Variants in NBEA observed in about 807,000 individuals in gnomAD.
The protein encoded by NBEA is neurobeachin, also known as lysosomal-trafficking regulator 2.
NBEA carries 44 observed loss-of-function variants against 343.4 expected under a neutral mutation model. The observed-to-expected ratio is 0.13, with a 90% CI of 0.10 to 0.16. The LOEUF (loss-of-function observed/expected upper bound fraction) is 0.16. Ranked by LOEUF, NBEA falls within the 10% of genes least tolerant of loss-of-function variation. NBEA has a pLI of 1.00. For synonymous variants in NBEA, 1,175 were observed against 1,238.7 expected (o/e 0.95, Z 1.08); for missense variants, 2,555 against 3,631.3 (o/e 0.70, Z 7.62).
chr13:35,415,767 G>GA (rs1296819827), intron 38 of NBEA, among the ~76,000 whole-genome samples: 5 of 152,068 alleles, frequency 3.3e-5, no homozygotes, highest in South Asian at 2.1e-4. Flanking sequence ...CCAATTCTGT[G>GA]AAAAAAGTCA....
At chr13:35,239,980 A>G (rs911364287) in intron 34 of NBEA, among the ~76,000 whole-genome samples, 2 of 151,280 alleles carry the variant, frequency 1.3e-5, no homozygotes, top group African/African-American at 2.4e-5. Context: ...TTGTCCCAAG[A>G]TGGAGCAGTT....
chr13:35,178,779 A>G (rs1340163552), intron 28 of NBEA, among the ~76,000 whole-genome samples: 6 of 151,576 alleles, frequency 4.0e-5, no homozygotes, highest in Admixed American at 4.0e-4. Context: ...CCACAATGTA[A>G]GAACTCACTG....
At chr13:35,301,721 G>T (rs1339138124) in intron 35 of NBEA, among the ~76,000 whole-genome samples, 9 of 152,056 alleles carry the variant, frequency 5.9e-5, no homozygotes, top group Admixed American at 5.9e-4. Flanking sequence ...GGATTACTGG[G>T]TCAAATGGTA....
At position 35,660,763 on chromosome 13, in the gene NBEA, T is replaced by C. The variant is rs144696402; in HGVS notation, c.8363-4322T>C. 5.6e-3 allele frequency among the ~76,000 whole-genome samples: 850 copies of C among 152,316 alleles called. 11 individuals carry two copies. Among genetic ancestry groups the C allele is most frequent in the African/African-American group, 0.019 (800 of 41,566 alleles). The stretch of plus-strand genomic sequence containing the variant: ...TTATAAGAAATGAAAGCATGGCCGA[T>C]GGATAGCCCAGAGAGATTTGTAGAG... On this transcript the variant is annotated intron_variant, in intron 55 of 58. Coordinates refer to ENST00000379939, the MANE Select transcript of NBEA (RefSeq NM_001385012.1).
chr13:35,577,593 T>C (rs2080804942), intron 45 of NBEA, among the ~76,000 whole-genome samples: 2 of 152,096 alleles, frequency 1.3e-5, no homozygotes, highest in African/African-American at 2.4e-5. Context: ...CACTTTGTTA[T>C]GTCTTTCGAT....
intron 38 of NBEA, among the ~76,000 whole-genome samples, chr13:35,419,348 G>A (rs1212863040): frequency 1.3e-5 from 2 of 151,984 alleles, no homozygotes; most frequent in Non-Finnish European, 2.9e-5. Flanking sequence ...TGGAAGTGAC[G>A]AACAGGCTCC....
At chr13:35,160,053 T>G in intron 22 of NBEA, 21 bp downstream of exon 22, 1 of 1,506,170 alleles carries the variant, frequency 6.6e-7, no homozygotes, top group Non-Finnish European at 8.8e-7. Flanking sequence ...TTATATGAGT[T>G]CTAGAAATAA....
intron 44 of NBEA, among the ~76,000 whole-genome samples, chr13:35,564,021 C>T (rs938364126): frequency 2.0e-5 from 3 of 151,776 alleles, no homozygotes; most frequent in Non-Finnish European, 4.4e-5. Flanking sequence ...GTTTTTGGAT[C>T]CTTACCTTCC....
intron 34 of NBEA, among the ~76,000 whole-genome samples, chr13:35,243,511 T>A (rs1033963786): frequency 6.6e-6 from 1 of 151,822 alleles, no homozygotes; most frequent in Non-Finnish European, 1.5e-5. Flanking sequence ...TGTGCTGTCT[T>A]TAAGAGACAC....
intron 41 of NBEA, chr13:35,475,720 A>G (rs1248308987): frequency 1.2e-6 from 2 of 1,613,514 alleles, no homozygotes; most frequent in South Asian, 1.1e-5. Context: ...ACATTTGTCT[A>G]CCGCTTGAGC....
intron 49 of NBEA, among the ~76,000 whole-genome samples, chr13:35,632,670 AC>A (rs1313952872): frequency 1.3e-5 from 2 of 151,894 alleles, no homozygotes; most frequent in Non-Finnish European, 2.9e-5. Flanking sequence ...GCAGCGGCTT[AC>A]TGCACCCCAC....
intron 40 of NBEA, 31 bp from the exon 41 acceptor site, chr13:35,472,369 C>G: frequency 6.2e-7 from 1 of 1,604,964 alleles, no homozygotes. Flanking sequence ...CACAGGGGCT[C>G]AGCCTGACTC....
chr13:35,059,759 T>TAG (rs1027422895), intron 8 of NBEA, among the ~76,000 whole-genome samples: 1 of 138,004 alleles, frequency 7.2e-6, no homozygotes, highest in African/African-American at 2.6e-5. Flanking sequence ...TATATATATA[T>TAG]ACAGAGAGAG....
At chr13:35,599,777 T>TA (rs1312876174) in intron 47 of NBEA, among the ~76,000 whole-genome samples, 1 of 152,226 alleles carries the variant, frequency 6.6e-6, no homozygotes, top group African/African-American at 2.4e-5. Context: ...GGAGGACTGT[T>TA]ATAGCCATCT....
At chr13:35,377,044 CAT>C (rs2041780859) in intron 38 of NBEA, among the ~76,000 whole-genome samples, 1 of 152,024 alleles carries the variant, frequency 6.6e-6, no homozygotes, top group African/African-American at 2.4e-5. Context: ...AGAGCTAAGA[CAT>C]AGAGAAATAG....
intron 1 of NBEA, among the ~76,000 whole-genome samples, chr13:34,982,458 C>A (rs979444786): frequency 2.0e-5 from 3 of 152,058 alleles, no homozygotes; most frequent in African/African-American, 7.2e-5. Flanking sequence ...TGCCACCATG[C>A]CCAGCTAATT....
chr13:34,952,498 T>C (rs904352292), intron 1 of NBEA, among the ~76,000 whole-genome samples: 1 of 152,228 alleles, frequency 6.6e-6, no homozygotes, highest in African/African-American at 2.4e-5. Flanking sequence ...TGAACCAGAA[T>C]AGTAGTATGC....
At chr13:35,636,832 G>A (rs1394558107) in intron 49 of NBEA, among the ~76,000 whole-genome samples, 6 of 152,186 alleles carry the variant, frequency 3.9e-5, no homozygotes, top group Admixed American at 6.5e-5. Context: ...ATCCTTAAGC[G>A]ATCATCTGCT....
Position 35,411,353 on chromosome 13 carries a change from T to C in NBEA, c.6180-20916T>C, listed in dbSNP as rs537583695. On this transcript the variant is annotated intron_variant, in intron 38 of 58. Coordinates refer to ENST00000379939, the MANE Select transcript of NBEA (RefSeq NM_001385012.1). Reference sequence around the variant, plus strand: ...CTACAGTATTGGTTATTATGTCCAATTGGTCCTCTTCAATTAGCGTACAAG... The same window carrying C: ...CTACAGTATTGGTTATTATGTCCAACTGGTCCTCTTCAATTAGCGTACAAG... Among the ~76,000 whole-genome samples the C allele has an allele frequency of 4.6e-5, 7 of 152,302 alleles. No homozygotes were observed. The South Asian group carries it at 6.2e-4, about 14-fold the overall frequency.
Sources: gnomAD v4.1 joint callset for allele counts (sites outside exome capture counted in the v4.1 genomes callset) on GRCh38, gnomAD v4.1.1 for gene constraint, MANE v1.5 for transcripts, NCBI Gene and HGNC (gene_info 2026-07-23, HGNC 2026-07-21) for gene names.